The following LRRC69 variants were observed in gnomAD, a reference collection of about 807,000 sequenced individuals.
LRRC69 encodes leucine rich repeat containing 69, also known as leucine-rich repeat-containing protein 69.
Under a neutral mutation model 37.8 loss-of-function variants are expected in LRRC69, and 42 were observed. The observed-to-expected ratio is 1.11, with a 90% confidence interval of 0.87 to 1.44. The LOEUF (loss-of-function observed/expected upper bound fraction) is 1.44, where lower values mean the gene tolerates loss of function less well. Ranked by LOEUF, LRRC69 falls within the 40% of genes most tolerant of loss-of-function variation. The pLI is 0.00. For missense variants in LRRC69, 357 were observed against 401.9 expected, an observed-to-expected ratio of 0.89 and a Z score of 0.96; for synonymous variants, 141 against 143.1, an observed-to-expected ratio of 0.99 and a Z score of 0.11.
At chr8:91,140,562 TAC>T (rs1491009737) in intron 5 of LRRC69, among the ~76,000 whole-genome samples, 1 of 151,604 alleles carries the variant, frequency 6.6e-6, no homozygotes, top group East Asian at 1.9e-4. Flanking sequence ...CATAAAGAAA[TAC>T]GTGTCTTGCT....
At chr8:91,202,250 CAAAAG>C (rs1001995795) in intron 7 of LRRC69, among the ~76,000 whole-genome samples, 2 of 151,890 alleles carry the variant, frequency 1.3e-5, no homozygotes, top group Non-Finnish European at 2.9e-5. Context: ...AACAAACAAA[CAAAAG>C]AAAACAAGAG....
At chr8:91,139,403 G>C (rs554672395) in intron 5 of LRRC69, among the ~76,000 whole-genome samples, 1 of 151,876 alleles carries the variant, frequency 6.6e-6, no homozygotes, top group Admixed American at 6.6e-5. Context: ...TTAGCAGGGC[G>C]TGGTGGCGGG....
intron 5 of LRRC69, among the ~76,000 whole-genome samples, chr8:91,187,019 T>G (rs958435119): frequency 1.6e-4 from 24 of 152,196 alleles, no homozygotes; most frequent in African/African-American, 5.5e-4. Context: ...AGCCAAATAT[T>G]TGAGACCATT....
At position 91,182,602 on chromosome 8, in the gene LRRC69, C is replaced by T. The variant is rs577318388; in HGVS notation, c.652-6920C>T. 5.9e-5 allele frequency among the ~76,000 whole-genome samples: 9 copies of T among 152,218 alleles called. No homozygotes were observed. The East Asian group carries it at 1.2e-3, about 20-fold the overall frequency. On this transcript the variant is annotated intron_variant, in intron 5 of 7. Transcript: ENST00000448384. Reference sequence around the variant, plus strand: ...ATGAGGAACCTATAATTATTATTCCCGTTTTACTTAAAGAGGTTTAGTAAT... The same window carrying T: ...ATGAGGAACCTATAATTATTATTCCTGTTTTACTTAAAGAGGTTTAGTAAT...
At chr8:91,164,121 G>C (rs10956796) in intron 5 of LRRC69, among the ~76,000 whole-genome samples, 102,050 of 151,276 alleles carry the variant, frequency 0.67, 34,907 homozygotes, top group Middle Eastern at 0.74. Flanking sequence ...TTATAGAAAA[G>C]TTCCTACAAC....
chr8:91,153,215 C>T (rs376280569), intron 5 of LRRC69, among the ~76,000 whole-genome samples: 22 of 151,090 alleles, frequency 1.5e-4, no homozygotes, highest in South Asian at 4.1e-4. Context: ...AGATTTGTAA[C>T]GCAAGTTCTT....
At chr8:91,111,044 A>G (rs1813401276) in intron 1 of LRRC69, among the ~76,000 whole-genome samples, 1 of 152,108 alleles carries the variant, frequency 6.6e-6, no homozygotes, top group South Asian at 2.1e-4. Flanking sequence ...TTTATTGAGC[A>G]ACTATTATAT....
At chr8:91,138,427 T>A (rs1230573661) in intron 5 of LRRC69, among the ~76,000 whole-genome samples, 6 of 152,000 alleles carry the variant, frequency 3.9e-5, no homozygotes, top group African/African-American at 1.4e-4. Context: ...TGCCTTTGAA[T>A]AGTTTATTTT....
At chr8:91,161,251 T>G (rs1808938703) in intron 5 of LRRC69, among the ~76,000 whole-genome samples, 1 of 151,400 alleles carries the variant, frequency 6.6e-6, no homozygotes, top group African/African-American at 2.4e-5. Context: ...TCATTTGTAG[T>G]TTTTCTTGTT....
intron 5 of LRRC69, among the ~76,000 whole-genome samples, chr8:91,146,368 T>A (rs185249128): frequency 2.0e-5 from 3 of 151,992 alleles, no homozygotes; most frequent in East Asian, 3.9e-4. Flanking sequence ...AACTTCTGTG[T>A]TTTTAGTCTT....
chr8:91,147,367 C>G (rs1242356238), intron 5 of LRRC69, among the ~76,000 whole-genome samples: 1 of 149,774 alleles, frequency 6.7e-6, no homozygotes, highest in Non-Finnish European at 1.5e-5. Context: ...TTTTTATATC[C>G]TTATATTTTA....
intron 5 of LRRC69, among the ~76,000 whole-genome samples, chr8:91,176,134 A>ATATATATATATTTTTTTTT: frequency 3.3e-3 from 249 of 75,640 alleles, no homozygotes; most frequent in Middle Eastern, 0.011. Flanking sequence ...ATATATATAT[A>ATATATATATATTTTTTTTT]TTTTTTTTTT....
chr8:91,164,118 A>G (rs550334761), intron 5 of LRRC69, among the ~76,000 whole-genome samples: 177 of 151,590 alleles, frequency 1.2e-3, no homozygotes, highest in Middle Eastern at 3.4e-3. Context: ...AATTTATAGA[A>G]AAGTTCCTAC....
chr8:91,205,956 A>G (rs530738734), intron 7 of LRRC69, among the ~76,000 whole-genome samples: 39 of 152,304 alleles, frequency 2.6e-4, no homozygotes, highest in Non-Finnish European at 4.7e-4. Context: ...TGGTGTTTAT[A>G]TCAGAAAGCT....
In LRRC69 at chr8:91,136,170, G is replaced by C. The variant is rs909154975; in HGVS notation, c.651+431G>C. Among the ~76,000 whole-genome samples the C allele has an allele frequency of 2.2e-4, 33 of 151,764 alleles. 2 individuals carry two copies. The highest frequency in any genetic ancestry group is 3.3e-4 in the Admixed American group (5 of 15,228). On this transcript the variant is annotated intron_variant, in intron 5 of 7. Coordinates refer to ENST00000448384, the Ensembl canonical transcript of LRRC69. Reference sequence around the variant, plus strand: ...TTTTTCTCATTTGAAAATGAATTTTGACCTCATTTTATTTCAAATATGGAG... The same window carrying C: ...TTTTTCTCATTTGAAAATGAATTTTCACCTCATTTTATTTCAAATATGGAG...
rs1809022869 is a variant in LRRC69, at chr8:91,166,069, T to C, written c.652-23453T>C. ...CATGCACTGCATATGAATTCCAGTT[T>C]TGCAACTTTCTAACTGTGTGACTTC... On this transcript the variant is annotated intron_variant, in intron 5 of 7. Coordinates refer to ENST00000448384, the Ensembl canonical transcript of LRRC69. Among the ~76,000 whole-genome samples, 3 of 151,810 alleles carry C rather than the reference T, an allele frequency of 2.0e-5. No individual in the cohort carries two copies. In the South Asian group the frequency reaches 6.2e-4, roughly 31 times the overall value.
At chr8:91,119,851 T>TACC (rs1813586132) in intron 1 of LRRC69, among the ~76,000 whole-genome samples, 2 of 151,974 alleles carry the variant, frequency 1.3e-5, no homozygotes, top group Admixed American at 1.3e-4. Flanking sequence ...TCCTTCCTAC[T>TACC]ACCCTTGATG....
At chr8:91,150,622 C>G (rs1369660853) in intron 5 of LRRC69, among the ~76,000 whole-genome samples, 1 of 152,036 alleles carries the variant, frequency 6.6e-6, no homozygotes, top group African/African-American at 2.4e-5. Flanking sequence ...GGAGGATTCT[C>G]TCTTTTTCTA....
chr8:91,122,296 A>G (rs1045749354), intron 1 of LRRC69, among the ~76,000 whole-genome samples: 1 of 151,842 alleles, frequency 6.6e-6, no homozygotes, highest in Non-Finnish European at 1.5e-5. Context: ...TTTTGGACCA[A>G]TTTTTCCAGT....
Sources: gnomAD v4.1 joint callset for allele counts (sites outside exome capture counted in the v4.1 genomes callset) on GRCh38, gnomAD v4.1.1 for gene constraint, MANE v1.5 for transcripts, NCBI Gene and HGNC (gene_info 2026-07-23, HGNC 2026-07-21) for gene names.